Variants in PPFIA2 observed in about 807,000 individuals in gnomAD.
The protein encoded by PPFIA2 is liprin-alpha-2.
A neutral mutation model predicts 175.5 loss-of-function variants in PPFIA2; 46 were observed. The observed-to-expected ratio is 0.26, with a 90% confidence interval of 0.21 to 0.34. The LOEUF is 0.34. Ranked by LOEUF, PPFIA2 falls within the 10% of genes least tolerant of loss-of-function variation. The pLI is 1.00. For missense variants in PPFIA2, 1,179 were observed against 1,506.1 expected, an observed-to-expected ratio of 0.78 and a Z score of 3.60; for synonymous variants, 568 against 511.4, an observed-to-expected ratio of 1.11 and a Z score of -1.49.
chr12:81,285,477 T>G (rs1461891657), intron 24 of PPFIA2, among the ~76,000 whole-genome samples: 1 of 152,058 alleles, frequency 6.6e-6, no homozygotes, highest in Non-Finnish European at 1.5e-5. Flanking sequence ...TGAGTATAAT[T>G]TGATGTAAGT....
chr12:81,566,530 C>CGAAAAAAAAAA, intron 4 of PPFIA2, among the ~76,000 whole-genome samples: 1 of 68,456 alleles, frequency 1.5e-5, no homozygotes, highest in South Asian at 6.1e-4. Flanking sequence ...GACTCCAACT[C>CGAAAAAAAAAA]AAAAAAAAAA....
intron 4 of PPFIA2, among the ~76,000 whole-genome samples, chr12:81,587,204 A>T (rs1185331739): frequency 1.3e-5 from 2 of 151,954 alleles, no homozygotes; most frequent in Non-Finnish European, 2.9e-5. Context: ...ATGTAGAGGG[A>T]AGGACCTGTA....
chr12:81,295,145 GAGATAAA>G (rs2046147193), intron 23 of PPFIA2, 110 bp from the exon 24 acceptor site: 1 of 933,794 alleles, frequency 1.1e-6, no homozygotes, highest in African/African-American at 1.7e-5. Flanking sequence ...CTCACCCCAC[GAGATAAA>G]ATGTTATCAT....
chr12:81,681,703 T>C (rs1434182678), intron 3 of PPFIA2, among the ~76,000 whole-genome samples: 1 of 144,912 alleles, frequency 6.9e-6, no homozygotes, highest in East Asian at 2.0e-4. Context: ...CTTGCTTCCT[T>C]TGTGTGCAAG....
chr12:81,545,008 T>C (rs1446119545), intron 4 of PPFIA2, among the ~76,000 whole-genome samples: 2 of 151,516 alleles, frequency 1.3e-5, no homozygotes, highest in South Asian at 2.1e-4. Context: ...CCACCTAAGA[T>C]AGAACTTTTT....
chr12:81,697,819 A>G lies in PPFIA2; in HGVS notation c.250-20975T>C, dbSNP rs549789917. Reference sequence around the variant, plus strand: ...TATGATAGGCTCTCTCTCAATAAGTAGAGTTGAATGCCTAGATGAATATAC... The same window carrying G: ...TATGATAGGCTCTCTCTCAATAAGTGGAGTTGAATGCCTAGATGAATATAC... On this transcript the variant is annotated intron_variant, in intron 3 of 32. Transcript: ENST00000549396. Among the ~76,000 whole-genome samples, 54 of 152,262 alleles carry G rather than the reference A, an allele frequency of 3.5e-4. No individual in the cohort carries two copies. The East Asian group carries it at 4.3e-3, about 12-fold the overall frequency.
At chr12:81,425,820 A>G (rs529918281) in intron 7 of PPFIA2, among the ~76,000 whole-genome samples, 1 of 152,306 alleles carries the variant, frequency 6.6e-6, no homozygotes, top group South Asian at 2.1e-4. Context: ...TGTTTTCTAC[A>G]TGAAAAATAC....
chr12:81,736,773 CTCTG>C (rs1371730649), intron 3 of PPFIA2, among the ~76,000 whole-genome samples: 7 of 151,922 alleles, frequency 4.6e-5, no homozygotes, highest in African/African-American at 1.7e-4. Context: ...TAGACAAAGT[CTCTG>C]TCTGTCACCC....
chr12:81,654,837 C>T (rs2067531660), intron 4 of PPFIA2, among the ~76,000 whole-genome samples: 1 of 152,096 alleles, frequency 6.6e-6, no homozygotes, highest in African/African-American at 2.4e-5. Context: ...AATAAAACAA[C>T]TTGGGAAGCG....
At chr12:81,457,693 T>C in intron 5 of PPFIA2, 72 bp downstream of exon 5, 1 of 845,512 alleles carries the variant, frequency 1.2e-6, no homozygotes, top group African/African-American at 1.7e-5. Flanking sequence ...TATTTTCTTC[T>C]TATATGTGTG....
chr12:81,530,166 C>T (rs545693199), intron 4 of PPFIA2, among the ~76,000 whole-genome samples: 1 of 152,018 alleles, frequency 6.6e-6, no homozygotes, highest in Non-Finnish European at 1.5e-5. Flanking sequence ...TGCCTTTGAG[C>T]CACAAGAGCA....
intron 23 of PPFIA2, among the ~76,000 whole-genome samples, chr12:81,295,682 T>C (rs1218546481): frequency 6.6e-6 from 1 of 152,134 alleles, no homozygotes; most frequent in Non-Finnish European, 1.5e-5. Context: ...ACAAAATTAA[T>C]AATGCATCAG....
At chr12:81,515,987 C>A (rs1216842564) in intron 4 of PPFIA2, among the ~76,000 whole-genome samples, 2 of 150,118 alleles carry the variant, frequency 1.3e-5, no homozygotes, top group Non-Finnish European at 3.0e-5. Context: ...TTTTTTGTAT[C>A]TCATGGTTTA....
chr12:81,274,364 T>A (rs998012763), intron 28 of PPFIA2, among the ~76,000 whole-genome samples: 30 of 152,216 alleles, frequency 2.0e-4, no homozygotes, highest in Non-Finnish European at 3.7e-4. Flanking sequence ...ACATATTATG[T>A]GGTCGTGATA....
chr12:81,659,133 A>G (rs1328308590), intron 4 of PPFIA2, among the ~76,000 whole-genome samples: 1 of 152,176 alleles, frequency 6.6e-6, no homozygotes, highest in Non-Finnish European at 1.5e-5. Flanking sequence ...AGCTCCCAGC[A>G]TGAGCAATGC....
chr12:81,268,132 C>CTTTTTTTTTTTTTTT (rs746893824), intron 28 of PPFIA2, 45 bp from the exon 29 acceptor site: 3 of 538,338 alleles, frequency 5.6e-6, no homozygotes, highest in African/African-American at 2.8e-5. Flanking sequence ...ATTTTTCTTT[C>CTTTTTTTTTTTTTTT]TTTTTTTTTT....
At position 81,714,704 on chromosome 12, in the gene PPFIA2, T is replaced by G. The variant is rs536115914; in HGVS notation, c.250-37860A>C. Reference sequence around the variant, plus strand: ...ACTCTGAAGAAATAGAGGGTCTGAGTATCCTTCAGACAATATCCCATAATA... The same window carrying G: ...ACTCTGAAGAAATAGAGGGTCTGAGGATCCTTCAGACAATATCCCATAATA... On this transcript the variant is annotated intron_variant, in intron 3 of 32. Coordinates refer to ENST00000549396, the MANE Select transcript of PPFIA2 (RefSeq NM_003625.5). Among the ~76,000 whole-genome samples, 21 of 151,138 alleles carry G rather than the reference T, an allele frequency of 1.4e-4. 1 individual carries two copies. The highest frequency in any genetic ancestry group is 4.8e-4 in the African/African-American group (20 of 41,486).
At chr12:81,297,822 CA>C (rs1434504419) in intron 23 of PPFIA2, among the ~76,000 whole-genome samples, 1 of 152,172 alleles carries the variant, frequency 6.6e-6, no homozygotes, top group Non-Finnish European at 1.5e-5. Flanking sequence ...CTCGCCTACA[CA>C]AAATTCTTAA....
chr12:81,512,597 T>C (rs2061932978), intron 4 of PPFIA2, among the ~76,000 whole-genome samples: 1 of 152,062 alleles, frequency 6.6e-6, no homozygotes, highest in Admixed American at 6.6e-5. Context: ...CATGGATGAG[T>C]TCTCTGGTGG....
Sources: allele counts gnomAD v4.1 joint callset (sites outside exome capture counted in the v4.1 genomes callset), GRCh38; gene constraint gnomAD v4.1.1; transcripts MANE v1.5; gene names NCBI Gene and HGNC (gene_info 2026-07-23, HGNC 2026-07-21).